The following GALNT18 variants were observed in gnomAD, a reference collection of about 807,000 sequenced individuals.
GALNT18 encodes polypeptide N-acetylgalactosaminyltransferase 18, also known as GalNAc-transferase 18.
Under a neutral mutation model 69.5 loss-of-function variants are expected in GALNT18, and 44 were observed. The observed-to-expected ratio is 0.63, with a 90% CI of 0.50 to 0.81. The LOEUF (loss-of-function observed/expected upper bound fraction) is 0.81, where lower values mean the gene tolerates loss of function less well. GALNT18 is among the 40% of genes least tolerant of loss of function. The pLI is 0.00. For synonymous variants in GALNT18, 364 were observed against 318.2 expected, an observed-to-expected ratio of 1.14 and a Z score of -1.53; for missense variants, 715 against 810.0, an observed-to-expected ratio of 0.88 and a Z score of 1.42.
intron 3 of GALNT18, among the ~76,000 whole-genome samples, chr11:11,392,406 G>C (rs1047801131): frequency 1.3e-5 from 2 of 152,186 alleles, no homozygotes; most frequent in African/African-American, 4.8e-5. Context: ...GATCACCCGA[G>C]GTCGGGAGTT....
At chr11:11,300,105 C>T (rs534613716) in intron 9 of GALNT18, among the ~76,000 whole-genome samples, 128 of 152,356 alleles carry the variant, frequency 8.4e-4, no homozygotes, top group African/African-American at 2.7e-3. Flanking sequence ...ATAATACACA[C>T]ATTTTCAAGG....
At position 11,621,950 on chromosome 11, in the gene GALNT18, T is replaced by G; in HGVS notation, c.-357A>C. On this transcript the variant is annotated 5_prime_UTR_variant, in exon 1 of 11. An upstream start codon of the reference 5' UTR is lost. Coordinates refer to ENST00000227756, the MANE Select transcript of GALNT18 (RefSeq NM_198516.3). The surrounding 1 kb of genome is among the most constrained non-coding windows in gnomAD (Gnocchi z 9.3). ...GTGTCGGCGGCCACGCCGCTTCCCATCGCCAGCGCCGGCTGCCTTGGCGGT... is the reference window on the plus strand; with the variant it reads ...GTGTCGGCGGCCACGCCGCTTCCCAGCGCCAGCGCCGGCTGCCTTGGCGGT... 5.7e-6 allele frequency: 1 copy of G among 176,646 alleles called. No homozygotes were observed. Among genetic ancestry groups the G allele is most frequent in the Admixed American group, 6.2e-5 (1 of 16,156 alleles). The allele number at this position is 176,646 out of a possible 1,614,324, so 10.9% of individuals were successfully genotyped here. A position where few individuals can be genotyped will look rare whatever the true frequency, so the allele number is the denominator to read the frequency against.
chr11:11,486,832 C>G lies in GALNT18; in HGVS notation c.236-37896G>C, dbSNP rs1021125874. On this transcript the variant is annotated intron_variant, in intron 1 of 10. Coordinates refer to ENST00000227756, the MANE Select transcript of GALNT18 (RefSeq NM_198516.3). Reference sequence around the variant, plus strand: ...CTCCTCCCCCAGCACAGCCAAGACCCCCATGTGCTAAAAGCAGCCAAAGCC... The same window carrying G: ...CTCCTCCCCCAGCACAGCCAAGACCGCCATGTGCTAAAAGCAGCCAAAGCC... Among the ~76,000 whole-genome samples the G allele has an allele frequency of 1.2e-3, 187 of 152,304 alleles. 1 individual carries two copies. Among genetic ancestry groups the G allele is most frequent in the Non-Finnish European group, 1.9e-4 (13 of 68,032 alleles).
At chr11:11,359,764 A>G (rs1321543328) in intron 6 of GALNT18, among the ~76,000 whole-genome samples, 1 of 152,196 alleles carries the variant, frequency 6.6e-6, no homozygotes, top group Non-Finnish European at 1.5e-5. Flanking sequence ...TTTATCCATC[A>G]GTGATTTTAA....
intron 1 of GALNT18, among the ~76,000 whole-genome samples, chr11:11,545,745 G>A (rs1025274518): frequency 3.3e-5 from 5 of 152,296 alleles, no homozygotes; most frequent in African/African-American, 9.6e-5. Context: ...CCAAGCCAGG[G>A]GAAGGAACAG....
At chr11:11,343,121 A>C (rs1025826357) in intron 6 of GALNT18, among the ~76,000 whole-genome samples, 2 of 152,084 alleles carry the variant, frequency 1.3e-5, no homozygotes, top group Non-Finnish European at 2.9e-5. Flanking sequence ...AGGTGGGTGG[A>C]TCACTTGAGC....
At chr11:11,552,813 G>A (rs1858231376) in intron 1 of GALNT18, among the ~76,000 whole-genome samples, 1 of 152,128 alleles carries the variant, frequency 6.6e-6, no homozygotes, top group African/African-American at 2.4e-5. Flanking sequence ...CCTTTCTCAA[G>A]AAAGACAACA....
intron 10 of GALNT18, among the ~76,000 whole-genome samples, chr11:11,275,152 C>G (rs905392779): frequency 2.6e-5 from 4 of 152,222 alleles, no homozygotes; most frequent in South Asian, 2.1e-4. Context: ...CTAATTTACA[C>G]TCCCACCAAC....
chr11:11,447,728 CT>C (rs1381423035), intron 2 of GALNT18, among the ~76,000 whole-genome samples: 3 of 152,172 alleles, frequency 2.0e-5, no homozygotes, highest in African/African-American at 7.2e-5. Flanking sequence ...CTCATGAGAA[CT>C]TACTCACTAT....
rs543761331 is a variant in GALNT18, at chr11:11,542,987, A to G, written c.235+78372T>C. 3.9e-5 allele frequency among the ~76,000 whole-genome samples: 6 copies of G among 152,242 alleles called. No homozygotes were observed. Among genetic ancestry groups the G allele is most frequent in the South Asian group, 4.2e-4 (2 of 4,812 alleles). On this transcript the variant is annotated intron_variant, in intron 1 of 10. Coordinates refer to ENST00000227756, the MANE Select transcript of GALNT18 (RefSeq NM_198516.3). This position sits in a 1 kb window ranked among gnomAD's most constrained non-coding sequence, Gnocchi z 4.3. ...GCATGGAACCCCTGCAGCCTTTTCT[A>G]CTGTGTGGAGAAAGAGTGAATGATA...
Position 11,396,137 on chromosome 11 carries a change from T to A in GALNT18, c.596-16873A>T. On this transcript the variant is annotated intron_variant, in intron 3 of 10. Transcript: ENST00000227756. The surrounding 1 kb of genome is among the most constrained non-coding windows in gnomAD (Gnocchi z 5.2). ...GAGTTAGAGAGAAAAGTCTTTAAAG[T>A]CTGGGCAGGAAACCGAGGAACTCGG... 6.6e-6 allele frequency among the ~76,000 whole-genome samples: 1 copy of A among 152,194 alleles called. No individual in the cohort carries two copies. Among genetic ancestry groups the A allele is most frequent in the East Asian group, 1.9e-4 (1 of 5,202 alleles).
intron 3 of GALNT18, among the ~76,000 whole-genome samples, chr11:11,423,447 G>T (rs1191069842): frequency 1.3e-5 from 2 of 152,148 alleles, no homozygotes; most frequent in Non-Finnish European, 2.9e-5. Context: ...GTGACCTAAA[G>T]CATGGCTGCC....
At chr11:11,297,379 G>A (rs1201842815) in intron 9 of GALNT18, among the ~76,000 whole-genome samples, 3 of 152,156 alleles carry the variant, frequency 2.0e-5, no homozygotes, top group Non-Finnish European at 2.9e-5. Context: ...CCTTACAGAC[G>A]AGAAAGCTGA....
rs1849715828 is a variant in GALNT18 at position 11,314,292 on chromosome 11, GC to G, written c.1512+12793del. Among the ~76,000 whole-genome samples the G allele has an allele frequency of 6.6e-6, 1 of 152,156 alleles. No homozygotes were observed. The highest frequency in any genetic ancestry group is 2.4e-5 in the African/African-American group (1 of 41,424). ...CCTGCAGGAGTTTAATAAAAGTCATGCAAAACTCACTGTTTACAACTCTAAT... is the reference window on the plus strand; with the variant it reads ...CCTGCAGGAGTTTAATAAAAGTCATGAAAACTCACTGTTTACAACTCTAAT... On this transcript the variant is annotated intron_variant, in intron 9 of 10. Transcript: ENST00000227756. This position sits in a 1 kb window ranked among gnomAD's most constrained non-coding sequence, Gnocchi z 5.2.
At chr11:11,346,921 T>C (rs778469726) in intron 6 of GALNT18, among the ~76,000 whole-genome samples, 11 of 152,136 alleles carry the variant, frequency 7.2e-5, no homozygotes, top group Non-Finnish European at 1.6e-4. Context: ...GGACCTGTCT[T>C]TGGATGTCAG....
chr11:11,495,472 G>T (rs1442181600), intron 1 of GALNT18, among the ~76,000 whole-genome samples: 3 of 152,180 alleles, frequency 2.0e-5, no homozygotes, highest in African/African-American at 7.2e-5. Context: ...AAACAGGGTT[G>T]TTGGTCCTCC....
intron 3 of GALNT18, among the ~76,000 whole-genome samples, chr11:11,408,728 G>C (rs1054636780): frequency 3.3e-5 from 5 of 152,178 alleles, no homozygotes; most frequent in African/African-American, 1.2e-4. Context: ...CATGCTAACA[G>C]CCCCTACTGG....
intron 1 of GALNT18, among the ~76,000 whole-genome samples, chr11:11,479,459 A>G (rs1387573359): frequency 4.6e-5 from 7 of 152,186 alleles, no homozygotes. Context: ...GGTGCCAGCA[A>G]ATTATTTAGA....
chr11:11,612,991 T>C (rs534570654), intron 1 of GALNT18, among the ~76,000 whole-genome samples: 1 of 152,302 alleles, frequency 6.6e-6, no homozygotes, highest in East Asian at 1.9e-4. Flanking sequence ...ATGTTTATGG[T>C]GGCTGGACAC....
Sources: gnomAD v4.1 joint callset for allele counts (sites outside exome capture counted in the v4.1 genomes callset) on GRCh38, gnomAD v4.1.1 for gene constraint, Gnocchi (gnomAD v3.1) non-coding constraint, MANE v1.5 for transcripts, NCBI Gene and HGNC (gene_info 2026-07-23, HGNC 2026-07-21) for gene names.